The following REDIC1 variants were observed in gnomAD, a reference collection of about 807,000 sequenced individuals.
The protein encoded by REDIC1 is regulator of DNA class I crossover intermediates 1.
At chr12:39,877,396 C>A in the REDIC1 span, among the ~76,000 whole-genome samples, 4 of 149,828 alleles carry the variant, frequency 2.7e-5, no homozygotes, top group African/African-American at 1.0e-4. Context: ...AGAATTGGAA[C>A]CCCCCCTCCA....
chr12:39,848,772 A>G, the REDIC1 span, among the ~76,000 whole-genome samples: 1 of 152,216 alleles, frequency 6.6e-6, no homozygotes, highest in Admixed American at 6.5e-5. Context: ...GACTCAACAT[A>G]AATGCCCTTC....
chr12:39,716,563 A>G, the REDIC1 span, among the ~76,000 whole-genome samples: 1 of 152,100 alleles, frequency 6.6e-6, no homozygotes, highest in African/African-American at 2.4e-5. Flanking sequence ...TTTTAAGGGT[A>G]AAATAAACCC....
the REDIC1 span, among the ~76,000 whole-genome samples, chr12:39,763,600 G>A: frequency 6.6e-6 from 1 of 152,058 alleles, no homozygotes; most frequent in African/African-American, 2.4e-5. Context: ...GAAATGATAA[G>A]TGGCCAGAGC....
At chr12:39,777,217 T>C in the REDIC1 span, among the ~76,000 whole-genome samples, 34 of 152,272 alleles carry the variant, frequency 2.2e-4, no homozygotes, top group Admixed American at 2.1e-3. Context: ...ATGAGGGACT[T>C]TGGGTGAAAA....
At chr12:39,865,409 AT>A in the REDIC1 span, among the ~76,000 whole-genome samples, 1 of 152,158 alleles carries the variant, frequency 6.6e-6, no homozygotes, top group Non-Finnish European at 1.5e-5. Context: ...ATGGAGTAGC[AT>A]TTTTTGAAGA....
the REDIC1 span, among the ~76,000 whole-genome samples, chr12:39,704,372 A>G: frequency 6.6e-6 from 1 of 152,112 alleles, no homozygotes; most frequent in Non-Finnish European, 1.5e-5. Flanking sequence ...CCACAATGAG[A>G]TACCATCTCA....
the REDIC1 span, among the ~76,000 whole-genome samples, chr12:39,870,104 G>A: frequency 6.6e-6 from 1 of 152,134 alleles, no homozygotes; most frequent in Non-Finnish European, 1.5e-5. Flanking sequence ...CCAAATGAAG[G>A]AACGAACACA....
chr12:39,743,972 C>T, the REDIC1 span, among the ~76,000 whole-genome samples: 1 of 151,978 alleles, frequency 6.6e-6, no homozygotes, highest in Non-Finnish European at 1.5e-5. Flanking sequence ...AAACAAAACC[C>T]CACAGATATA....
chr12:39,684,487 CAT>C, the REDIC1 span, among the ~76,000 whole-genome samples: 5 of 152,158 alleles, frequency 3.3e-5, no homozygotes, highest in Admixed American at 1.3e-4. Flanking sequence ...TTAATTAAAA[CAT>C]AGACTTACAA....
chr12:39,803,204 C>CAAAA, the REDIC1 span, among the ~76,000 whole-genome samples: 13 of 73,752 alleles, frequency 1.8e-4, no homozygotes, highest in South Asian at 4.1e-4. Flanking sequence ...GAAGCAAATG[C>CAAAA]AAAAAAAAAA....
chr12:39,666,399 C>T, the REDIC1 span, among the ~76,000 whole-genome samples: 1 of 152,158 alleles, frequency 6.6e-6, no homozygotes, highest in African/African-American at 2.4e-5. Context: ...ACCAGCCTTG[C>T]ACCCCAGGGA....
At chr12:39,634,180 T>C in the REDIC1 span, among the ~76,000 whole-genome samples, 1 of 152,154 alleles carries the variant, frequency 6.6e-6, no homozygotes, top group African/African-American at 2.4e-5. Flanking sequence ...GGTATTTTAT[T>C]CTCTTTTTAG....
chr12:39,732,678 GCT>G, the REDIC1 span, among the ~76,000 whole-genome samples: 1 of 152,056 alleles, frequency 6.6e-6, no homozygotes, highest in Admixed American at 6.5e-5. Context: ...TAACCAGTAG[GCT>G]CTCTGTCATC....
the REDIC1 span, among the ~76,000 whole-genome samples, chr12:39,672,032 A>G: frequency 1.3e-5 from 2 of 152,022 alleles, no homozygotes. Context: ...GGCACAGGCT[A>G]TGGTGGGTGG....
chr12:39,738,919 T>C, the REDIC1 span, among the ~76,000 whole-genome samples: 2 of 152,156 alleles, frequency 1.3e-5, no homozygotes, highest in African/African-American at 4.8e-5. Flanking sequence ...CCAGATGTAC[T>C]GTGTATTTTC....
At chr12:39,842,350 ACTTGCT>A in the REDIC1 span, among the ~76,000 whole-genome samples, 3 of 152,068 alleles carry the variant, frequency 2.0e-5, no homozygotes, top group Non-Finnish European at 4.4e-5. Context: ...AAGCTAAGAG[ACTTGCT>A]CATGTCTCTA....
At chr12:39,724,470 C>T in the REDIC1 span, among the ~76,000 whole-genome samples, 1 of 152,086 alleles carries the variant, frequency 6.6e-6, no homozygotes, top group South Asian at 2.1e-4. Flanking sequence ...TAATAACCAA[C>T]ACTTCCCTTC....
the REDIC1 span, among the ~76,000 whole-genome samples, chr12:39,643,490 T>A: frequency 2.0e-5 from 3 of 151,744 alleles, no homozygotes; most frequent in African/African-American, 7.2e-5. Flanking sequence ...CAGATTTTTT[T>A]AACTTTCTAT....
chr12:39,641,105 G>C, the REDIC1 span: 1 of 816,504 alleles, frequency 1.2e-6, no homozygotes, highest in African/African-American at 1.7e-5. Context: ...ATCTTCCTTT[G>C]GTCTTCTACA....
Sources: allele counts gnomAD v4.1 joint callset (sites outside exome capture counted in the v4.1 genomes callset), GRCh38; gene constraint gnomAD v4.1.1; transcripts MANE v1.5; gene names NCBI Gene and HGNC (gene_info 2026-07-23, HGNC 2026-07-21).